Variants in AGO1 observed in about 807,000 individuals in gnomAD.
AGO1 encodes protein argonaute-1.
Under a neutral mutation model 109.2 loss-of-function variants are expected in AGO1, and 11 were observed. The observed-to-expected ratio is 0.10, with a 90% CI of 0.06 to 0.17. The LOEUF is 0.17. Among genes scored for constraint, AGO1 ranks in the 10% least tolerant of loss-of-function variants. The pLI is 1.00. For synonymous variants in AGO1, 422 were observed against 418.6 expected (o/e 1.01, Z -0.10); for missense variants, 574 against 1,140.3 (o/e 0.50, Z 7.15).
intron 5 of AGO1, 35 bp from the exon 6 acceptor site, chr1:35,894,002 A>T (rs1645270780): frequency 2.6e-6 from 4 of 1,524,980 alleles, no homozygotes; most frequent in Non-Finnish European, 3.5e-6. Flanking sequence ...GGAAGACAGA[A>T]CCTGAGCTGA....
At chr1:35,917,201 C>T (rs1465394204) in intron 15 of AGO1, among the ~76,000 whole-genome samples, 1 of 152,182 alleles carries the variant, frequency 6.6e-6, no homozygotes, top group Non-Finnish European at 1.5e-5. Context: ...TGGTCCACAA[C>T]CTGTCTGCTC....
intron 1 of AGO1, among the ~76,000 whole-genome samples, chr1:35,876,389 C>A (rs1024499449): frequency 2.0e-5 from 3 of 151,938 alleles, no homozygotes; most frequent in Middle Eastern, 3.4e-3. Context: ...GCCTCAGCTT[C>A]CCGAGTAGCT....
At chr1:35,882,980 C>G (rs1645052521), upstream of AGO1, 1 of 939,218 alleles carries the variant, frequency 1.1e-6, no homozygotes, top group African/African-American at 1.8e-5. This position sits in a 1 kb window ranked among gnomAD's most constrained non-coding sequence, Gnocchi z 5.1. Flanking sequence ...GGGCTGAAGG[C>G]TGCTGTGGCG....
At chr1:35,911,974 C>T (rs548379109) in intron 12 of AGO1, among the ~76,000 whole-genome samples, 2 of 152,280 alleles carry the variant, frequency 1.3e-5, no homozygotes, top group South Asian at 4.1e-4. Flanking sequence ...GCTGACTCAT[C>T]TTCTTGTTCT....
intron 8 of AGO1, among the ~76,000 whole-genome samples, chr1:35,900,751 A>G (rs901511536): frequency 6.6e-6 from 1 of 151,670 alleles, no homozygotes; most frequent in African/African-American, 2.4e-5. Context: ...TAAATACATA[A>G]GTACAAAAAT....
Position 35,919,727 on chromosome 1 carries a change from C to A in AGO1, c.*120C>A. On this transcript the variant is annotated 3_prime_UTR_variant, in exon 19 of 19. Coordinates refer to ENST00000373204, the MANE Select transcript of AGO1 (RefSeq NM_012199.5). This position sits in a 1 kb window ranked among gnomAD's most constrained non-coding sequence, Gnocchi z 6.6. Reference sequence around the variant, plus strand: ...TGGGGTAGGGAGGAGTGTAGGATGCCTTGTTTCCTTCTATAGAGGTGGTGT... The same window carrying A: ...TGGGGTAGGGAGGAGTGTAGGATGCATTGTTTCCTTCTATAGAGGTGGTGT... The A allele has an allele frequency of 2.3e-6, 2 of 867,864 alleles. No homozygotes were observed. Among genetic ancestry groups the A allele is most frequent in the South Asian group, 1.7e-5 (1 of 58,982 alleles). 53.8% of individuals were successfully genotyped at this position (867,864 alleles called of 1,614,324 possible).
rs565234935 is a variant in AGO1, at chr1:35,883,673, G to T, written c.25+227G>T. On this transcript the variant is annotated intron_variant, in intron 1 of 18. Coordinates refer to ENST00000373204, the MANE Select transcript of AGO1 (RefSeq NM_012199.5). This position sits in a 1 kb window ranked among gnomAD's most constrained non-coding sequence, Gnocchi z 5.4. ...AAGGAGGCTGTATACAGTCCTGCGG[G>T]TTGGAAGTAATCTGGGAGAAGGGCC... Among the ~76,000 whole-genome samples, 5 of 152,318 alleles carry T rather than the reference G, an allele frequency of 3.3e-5. No individual in the cohort carries two copies. The South Asian group carries it at 1.0e-3, about 32-fold the overall frequency.
At chr1:35,900,983 CTT>C (rs1161684689) in intron 8 of AGO1, among the ~76,000 whole-genome samples, 59 of 140,538 alleles carry the variant, frequency 4.2e-4, no homozygotes, top group Non-Finnish European at 4.1e-4. Flanking sequence ...TTGAATTGCC[CTT>C]TTTTTTTTTT....
chr1:35,907,111 C>G lies in AGO1; in HGVS notation c.1574C>G (p.Pro525Arg). Residue 525 changes from proline (P) to arginine (R), a missense_variant, in exon 12 of 19, where the codon CCG becomes CGG. Pro to Arg is a moderately radical substitution (Grantham distance 103, BLOSUM62 -2). This residue lies in a region of AGO1 where 68 missense variants were observed against 200.2 expected (regional missense o/e 0.34). Coordinates refer to ENST00000373204, the MANE Select transcript of AGO1 (RefSeq NM_012199.5). Reference protein sequence around the residue: ...LIIVILPGKTPVYAEVKRVGD... With the variant: ...LIIVILPGKTRVYAEVKRVGD... ...ATTGTCATCCTGCCAGGGAAGACGC[C>G]GGTGTATGGTACAGTTCTCTTGGGA... The G allele has an allele frequency of 6.2e-7, 1 of 1,612,128 alleles. No individual in the cohort carries two copies. Among genetic ancestry groups the G allele is most frequent in the Non-Finnish European group, 8.5e-7 (1 of 1,178,856 alleles).
In AGO1 at chr1:35,893,036, T is replaced by A; in HGVS notation, c.331-61T>A. 1 of 1,481,656 alleles carries A rather than the reference T, an allele frequency of 6.7e-7. No individual in the cohort carries two copies. Among genetic ancestry groups the A allele is most frequent in the Middle Eastern group, 1.7e-4 (1 of 5,756 alleles). 91.8% of individuals were successfully genotyped at this position (1,481,656 alleles called of 1,614,324 possible). On this transcript the variant is annotated intron_variant, in intron 3 of 18. Coordinates refer to ENST00000373204, the MANE Select transcript of AGO1 (RefSeq NM_012199.5). This position sits in a 1 kb window ranked among gnomAD's most constrained non-coding sequence, Gnocchi z 5.6. ...ACATGTTCTCAGCAAATCCATGGAG[T>A]TGGGGGTCATTCTCGCAGAGCAATG...
chr1:35,876,476 C>T (rs1161191165), intron 1 of AGO1, among the ~76,000 whole-genome samples: 1 of 152,026 alleles, frequency 6.6e-6, no homozygotes, highest in Non-Finnish European at 1.5e-5. Flanking sequence ...CCGTGTTAGC[C>T]AGGATGGTCT....
At chr1:35,881,187 C>T (rs1243768542), upstream of AGO1, among the ~76,000 whole-genome samples, 1 of 152,216 alleles carries the variant, frequency 6.6e-6, no homozygotes, top group East Asian at 1.9e-4. Context: ...CAGTAATTCT[C>T]ATAGTCCCCA....
intron 14 of AGO1, among the ~76,000 whole-genome samples, chr1:35,915,072 C>T (rs1349492130): frequency 6.6e-6 from 1 of 152,148 alleles, no homozygotes; most frequent in South Asian, 2.1e-4. Flanking sequence ...TATCAAGTAC[C>T]TACTGTGGGC....
Position 35,901,391 on chromosome 1 carries a change from A to G in AGO1, c.1021-83A>G. ...TTCCCTTCCCCATGGCTGACAGCCAAGGTATCTTTCCTTATTGTGGGGCTC... is the reference window on the plus strand; with the variant it reads ...TTCCCTTCCCCATGGCTGACAGCCAGGGTATCTTTCCTTATTGTGGGGCTC... On this transcript the variant is annotated intron_variant, in intron 8 of 18. Transcript: ENST00000373204. This position sits in a 1 kb window ranked among gnomAD's most constrained non-coding sequence, Gnocchi z 4.8. The G allele has an allele frequency of 1.3e-6, 2 of 1,569,560 alleles. No homozygotes were observed. The highest frequency in any genetic ancestry group is 1.1e-5 in the South Asian group (1 of 87,694).
intron 8 of AGO1, 47 bp downstream of exon 8, chr1:35,895,316 G>A: frequency 6.5e-7 from 1 of 1,543,668 alleles, no homozygotes; most frequent in Non-Finnish European, 8.7e-7. Flanking sequence ...GTATATACCT[G>A]CATGCTGATC....
chr1:35,872,746 A>G (rs1644963018), intron 1 of AGO1, among the ~76,000 whole-genome samples: 2 of 151,586 alleles, frequency 1.3e-5, no homozygotes, highest in East Asian at 1.9e-4. Flanking sequence ...TAATTTTTTA[A>G]TTTTTTTGTG....
At chr1:35,907,590 A>G (rs186468854) in intron 12 of AGO1, among the ~76,000 whole-genome samples, 1 of 151,888 alleles carries the variant, frequency 6.6e-6, no homozygotes, top group South Asian at 2.1e-4. Flanking sequence ...TGATTATATA[A>G]ATTTCTGTCA....
At position 35,893,891 on chromosome 1, in the gene AGO1, A is replaced by G. The variant is rs1312114222; in HGVS notation, c.649+81A>G. 6.4e-7 allele frequency: 1 copy of G among 1,554,980 alleles called. No individual in the cohort carries two copies. The highest frequency in any genetic ancestry group is 1.8e-5 in the Admixed American group (1 of 55,878). On this transcript the variant is annotated intron_variant, in intron 5 of 18. Transcript: ENST00000373204. This position sits in a 1 kb window ranked among gnomAD's most constrained non-coding sequence, Gnocchi z 5.6. ...CAGCCTCATCCCTCCCAGCTCTGCAACCACACTCCTAGTCTAATTCCTACA... is the reference window on the plus strand; with the variant it reads ...CAGCCTCATCCCTCCCAGCTCTGCAGCCACACTCCTAGTCTAATTCCTACA...
chr1:35,909,775 A>G (rs1645599298), intron 12 of AGO1, among the ~76,000 whole-genome samples: 2 of 152,132 alleles, frequency 1.3e-5, no homozygotes, highest in Non-Finnish European at 2.9e-5. Context: ...TCACTGATAC[A>G]ATACTCAGTA....
Sources: gnomAD v4.1 joint callset for allele counts (sites outside exome capture counted in the v4.1 genomes callset) on GRCh38, gnomAD v4.1.1 for gene constraint, gnomAD v4.1.1 regional missense constraint, Gnocchi (gnomAD v3.1) non-coding constraint, MANE v1.5 for transcripts, NCBI Gene and HGNC (gene_info 2026-07-23, HGNC 2026-07-21) for gene names.